Variants in ANK3 observed in about 807,000 individuals in gnomAD.
ANK3 encodes the protein ankyrin 3.
In ANK3, 57 loss-of-function variants were observed where a neutral mutation model predicts 370.9. The ratio of observed to expected loss-of-function variants is 0.15; its 90% confidence interval spans 0.12 to 0.19. The LOEUF is 0.19. Among genes scored for constraint, ANK3 ranks in the 10% least tolerant of loss-of-function variants. ANK3 has a pLI of 1.00. For missense variants in ANK3, 4,439 were observed against 5,302.1 expected (o/e 0.84, Z 5.06); for synonymous variants, 1,929 against 1,946.3 (o/e 0.99, Z 0.23).
chr10:60,033,853 C>T (rs138360563), intron 43 of ANK3, among the ~76,000 whole-genome samples: 53 of 152,180 alleles, frequency 3.5e-4, no homozygotes, highest in African/African-American at 1.3e-3. Context: ...GCACATTAGA[C>T]TTACCTGGGA....
intron 2 of ANK3, among the ~76,000 whole-genome samples, chr10:60,607,948 C>T (rs1010756968): frequency 3.3e-5 from 5 of 152,138 alleles, no homozygotes; most frequent in East Asian, 1.9e-4. Context: ...TGAGAGTGAC[C>T]AGCTGGGACC....
intron 25 of ANK3, among the ~76,000 whole-genome samples, chr10:60,121,894 C>G (rs2093499573): frequency 6.6e-6 from 1 of 152,148 alleles, no homozygotes; most frequent in South Asian, 2.1e-4. Context: ...AAAAATATCT[C>G]ATGTCACCCA....
At chr10:60,383,311 C>A (rs1007774043) in intron 1 of ANK3, among the ~76,000 whole-genome samples, 3 of 152,092 alleles carry the variant, frequency 2.0e-5, no homozygotes, top group Non-Finnish European at 4.4e-5. Context: ...TTGTGCCAAG[C>A]ACTGTTTTAA....
At chr10:60,153,917 A>C (rs1285999705) in intron 23 of ANK3, among the ~76,000 whole-genome samples, 1 of 152,216 alleles carries the variant, frequency 6.6e-6, no homozygotes, top group African/African-American at 2.4e-5. Context: ...ATCTTGCTTC[A>C]TCTCAGAAAC....
chr10:60,160,849 T>C (rs2095480637), intron 23 of ANK3, among the ~76,000 whole-genome samples: 1 of 152,134 alleles, frequency 6.6e-6, no homozygotes, highest in Non-Finnish European at 1.5e-5. Flanking sequence ...AAATTCAATA[T>C]ACTTTAATGG....
At chr10:60,175,690 A>T (rs10994236) in intron 18 of ANK3, among the ~76,000 whole-genome samples, 1 of 152,154 alleles carries the variant, frequency 6.6e-6, no homozygotes, top group Non-Finnish European at 1.5e-5. Context: ...CCATTCACTG[A>T]TAAGACTGCA....
intron 1 of ANK3, among the ~76,000 whole-genome samples, chr10:60,666,636 T>C (rs1187440841): frequency 1.3e-5 from 2 of 152,118 alleles, no homozygotes; most frequent in Non-Finnish European, 2.9e-5. Context: ...TGTAGAAAAC[T>C]TAAGAGAGAA....
intron 1 of ANK3, among the ~76,000 whole-genome samples, chr10:60,676,570 A>C (rs1196252094): frequency 6.6e-6 from 1 of 152,222 alleles, no homozygotes; most frequent in East Asian, 1.9e-4. Context: ...ACACAAATAC[A>C]TTTCAATCTC....
chr10:60,486,450 C>A (rs750795866), intron 2 of ANK3, among the ~76,000 whole-genome samples: 13 of 152,164 alleles, frequency 8.5e-5, no homozygotes, highest in Non-Finnish European at 1.8e-4. Flanking sequence ...GTGTGGTGTG[C>A]GCACCTGTAG....
At chr10:60,046,739 A>G (rs1037620025) in intron 42 of ANK3, among the ~76,000 whole-genome samples, 3 of 152,078 alleles carry the variant, frequency 2.0e-5, no homozygotes, top group Admixed American at 6.5e-5. Flanking sequence ...TCTGTCAACT[A>G]TATTAGAGAC....
rs1448690505 is a variant in ANK3, at chr10:60,344,649, A to ATT, written c.114+44775_114+44776insAA. 4.1e-5 allele frequency among the ~76,000 whole-genome samples: 3 copies of ATT among 72,758 alleles called. No individual in the cohort carries two copies. The Admixed American group carries it at 4.5e-4, about 11-fold the overall frequency. 47.7% of individuals were successfully genotyped at this position (72,758 alleles called of 152,430 possible). On this transcript the variant is annotated intron_variant, in intron 1 of 43. Transcript: ENST00000280772. ...TTGGCACTAGGTACACAACTTCAAA[A>ATT]CTCTTAAAAAATGTTAGATCAAAAT...
chr10:60,186,571 A>G, intron 17 of ANK3, 144 bp downstream of exon 17: 1 of 950,316 alleles, frequency 1.1e-6, no homozygotes. Context: ...TTGCTCTGTT[A>G]AGTAACACTT....
At chr10:60,397,236 C>T (rs534548039) in intron 2 of ANK3, among the ~76,000 whole-genome samples, 6 of 151,064 alleles carry the variant, frequency 4.0e-5, no homozygotes, top group Admixed American at 2.0e-4. Context: ...ACTCCAGATG[C>T]TATAATGAAA....
chr10:60,244,497 G>C (rs537187230), intron 7 of ANK3, among the ~76,000 whole-genome samples: 1 of 152,226 alleles, frequency 6.6e-6, no homozygotes, highest in South Asian at 2.1e-4. Flanking sequence ...CTTACCACTT[G>C]TCATAATTTT....
chr10:60,178,411 C>T (rs763081885), intron 18 of ANK3, among the ~76,000 whole-genome samples: 10 of 152,072 alleles, frequency 6.6e-5, no homozygotes, highest in African/African-American at 1.7e-4. Flanking sequence ...ATCTGTAAGA[C>T]GAGGATGCTA....
At chr10:60,336,801 C>T (rs1471584846) in intron 1 of ANK3, among the ~76,000 whole-genome samples, 3 of 152,178 alleles carry the variant, frequency 2.0e-5, no homozygotes, top group African/African-American at 7.2e-5. Context: ...AGCACCTTCA[C>T]AGAACAAAGT....
At position 60,088,200 on chromosome 10, in the gene ANK3, G is replaced by C. The variant is rs772438142; in HGVS notation, c.3487C>G (p.Gln1163Glu). The change falls in exon 29 of 44, where the codon CAA (glutamine) becomes GAA (glutamate). Residue 1163 changes from glutamine to glutamate, a missense_variant. Gln to Glu is a conservative substitution (Grantham distance 29, BLOSUM62 2). Coordinates refer to ENST00000280772, the MANE Select transcript of ANK3 (RefSeq NM_020987.5). ...ILSSTTVPLV[Q>E]ASFPEGALTK... Reference sequence around the variant, plus strand: ...AGGGCACCCTCTGGGAAAGATGCTTGAACAAGGGGCACTGTGGTGCTGCTC... The same window carrying C: ...AGGGCACCCTCTGGGAAAGATGCTTCAACAAGGGGCACTGTGGTGCTGCTC... The C allele has an allele frequency of 1.2e-6, 2 of 1,614,196 alleles. No individual in the cohort carries two copies. Among genetic ancestry groups the C allele is most frequent in the Non-Finnish European group, 1.7e-6 (2 of 1,180,018 alleles).
rs772633697 is a variant in ANK3 at position 60,082,690 on chromosome 10, T to C, written c.4248A>G (p.Lys1416=). Residue 1416 remains lysine (K), a synonymous_variant, in exon 34 of 44, where the codon AAA becomes AAG. Transcript: ENST00000280772. ...QEPCGRLSFL[K]EPKTTKGLPQ... ...GCAGTCCTTTTGTTGTCTTTGGTTC[T>C]TTCAGAAAAGACAGACGACCACAGG... The C allele has an allele frequency of 6.2e-7, 1 of 1,614,016 alleles. No homozygotes were observed. Among genetic ancestry groups the C allele is most frequent in the African/African-American group, 1.3e-5 (1 of 74,948 alleles).
At chr10:60,428,545 A>T (rs1016262641) in intron 2 of ANK3, among the ~76,000 whole-genome samples, 1 of 152,234 alleles carries the variant, frequency 6.6e-6, no homozygotes, top group Non-Finnish European at 1.5e-5. Context: ...CAGAGGAGCC[A>T]GGGACGTAAG....
Sources: gnomAD v4.1 joint callset for allele counts (sites outside exome capture counted in the v4.1 genomes callset) on GRCh38, gnomAD v4.1.1 for gene constraint, MANE v1.5 for transcripts, NCBI Gene and HGNC (gene_info 2026-07-23, HGNC 2026-07-21) for gene names.